The following FASTKD2 variants were observed in gnomAD, a reference collection of about 807,000 sequenced individuals.
The protein encoded by FASTKD2 is FAST kinase domain-containing protein 2, mitochondrial.
Under a neutral mutation model 63.6 loss-of-function variants are expected in FASTKD2, and 51 were observed. The observed-to-expected ratio is 0.80, with a 90% CI of 0.64 to 1.01. The LOEUF (loss-of-function observed/expected upper bound fraction) is 1.01, where lower values mean the gene tolerates loss of function less well. FASTKD2 is among the 50% of genes least tolerant of loss of function. FASTKD2 has a pLI of 0.00. For missense variants in FASTKD2, 786 were observed against 831.1 expected (o/e 0.95, Z 0.67); for synonymous variants, 284 against 293.4 (o/e 0.97, Z 0.33).
Position 206,766,658 on chromosome 2 carries a change from G to C in FASTKD2, c.-36G>C, listed in dbSNP as rs781534706. The C allele has an allele frequency of 1.0e-5, 16 of 1,579,532 alleles. No homozygotes were observed. Among genetic ancestry groups the C allele is most frequent in the Non-Finnish European group, 1.4e-5 (16 of 1,148,664 alleles). ...TTCCCCTACAGGAAAACGACAGCAC[G>C]TGTTCTTTTTCACTAGTAGAAGTGA... On this transcript the variant is annotated 5_prime_UTR_variant, in exon 2 of 12. Coordinates refer to ENST00000402774, the MANE Select transcript of FASTKD2 (RefSeq NM_001136193.2).
chr2:206,774,435 A>G, intron 7 of FASTKD2, 38 bp downstream of exon 7: 4 of 1,314,596 alleles, frequency 3.0e-6, no homozygotes, highest in Non-Finnish European at 3.3e-6. Flanking sequence ...TTATTGCCAT[A>G]TAACTTACAA....
chr2:206,772,981 T>C (rs1463643965), intron 6 of FASTKD2, among the ~76,000 whole-genome samples: 2 of 152,330 alleles, frequency 1.3e-5, no homozygotes, highest in South Asian at 4.1e-4. Flanking sequence ...TGGTCATCTT[T>C]CTATTTGAAA....
chr2:206,790,644 GA>G lies in FASTKD2; in HGVS notation c.1975del (p.Met659CysfsTer4). On this transcript the variant is annotated frameshift_variant, in exon 11 of 12. Transcript: ENST00000402774. LOFTEE classifies it high-confidence loss of function. The stretch of plus-strand genomic sequence containing the variant: ...GCCACCCCAGAGGATTCCTTGCTAT[GA>G]AAATGCGGCATTTGAATGCAATGGG... ...SSHPRGFLAM[K>X]MRHLNAMGFH... 1 of 1,613,180 alleles carries G rather than the reference GA, an allele frequency of 6.2e-7. No individual in the cohort carries two copies. Among genetic ancestry groups the G allele is most frequent in the Non-Finnish European group, 8.5e-7 (1 of 1,179,194 alleles).
chr2:206,785,204 A>G (rs754995796), intron 7 of FASTKD2, among the ~76,000 whole-genome samples: 2 of 152,224 alleles, frequency 1.3e-5, no homozygotes, highest in African/African-American at 2.4e-5. Flanking sequence ...TGATTCAGCT[A>G]TCTACCACTG....
intron 6 of FASTKD2, among the ~76,000 whole-genome samples, chr2:206,773,024 G>A (rs1689726287): frequency 6.6e-6 from 1 of 152,026 alleles, no homozygotes; most frequent in South Asian, 2.1e-4. Flanking sequence ...GTTTTAAAAG[G>A]GTTGTATGGG....
chr2:206,789,250 C>G (rs900410346), intron 10 of FASTKD2: 2 of 185,512 alleles, frequency 1.1e-5, no homozygotes, highest in Non-Finnish European at 2.2e-5. Context: ...AATAAAGACT[C>G]GAGGCTTCTA....
Position 206,794,343 on chromosome 2 carries a change from T to C in FASTKD2, c.*2541T>C, listed in dbSNP as rs376684696. ...ATGAAAAGGTTGATCTTGCTCTAGA[T>C]ACAAGATATAAAATTGTATTCTTGA... On this transcript the variant is annotated 3_prime_UTR_variant, in exon 12 of 12. Transcript: ENST00000402774. Among the ~76,000 whole-genome samples the C allele has an allele frequency of 6.6e-6, 1 of 152,236 alleles. No homozygotes were observed. The highest frequency in any genetic ancestry group is 2.4e-5 in the African/African-American group (1 of 41,458).
chr2:206,766,338 G>A lies in FASTKD2; in HGVS notation c.-50-306G>A, dbSNP rs563886027. ...CAATGCTAATCCCCTAATTTTCACC[G>A]AGGACATTTCCATAACAATGCCAAC... On this transcript the variant is annotated intron_variant, in intron 1 of 11. Coordinates refer to ENST00000402774, the MANE Select transcript of FASTKD2 (RefSeq NM_001136193.2). Among the ~76,000 whole-genome samples the A allele has an allele frequency of 3.4e-5, 5 of 147,554 alleles. No homozygotes were observed. The South Asian group carries it at 8.6e-4, about 25-fold the overall frequency.
intron 7 of FASTKD2, among the ~76,000 whole-genome samples, chr2:206,783,545 T>C (rs958264550): frequency 6.6e-6 from 1 of 152,038 alleles, no homozygotes; most frequent in Non-Finnish European, 1.5e-5. Flanking sequence ...ACAAATAATA[T>C]CAAGCTAAGT....
chr2:206,788,931 G>A (rs1209718765), intron 10 of FASTKD2, 28 bp downstream of exon 10: 1 of 1,141,504 alleles, frequency 8.8e-7, no homozygotes, highest in South Asian at 1.2e-5. Context: ...CATTTGCTGG[G>A]CTTTCTGAAT....
chr2:206,780,034 C>G (rs1689929276), intron 7 of FASTKD2, among the ~76,000 whole-genome samples: 1 of 152,202 alleles, frequency 6.6e-6, no homozygotes, highest in Non-Finnish European at 1.5e-5. Flanking sequence ...TCTCCCCATA[C>G]TTTGTTATTG....
rs982184080 is a variant in FASTKD2 at position 206,795,529 on chromosome 2, G to A, written c.*3727G>A. ...ATTATAGGCGTGAGCCACCACCCCC[G>A]GTCCAAGATGGCTATCTCTTAACAC... On this transcript the variant is annotated 3_prime_UTR_variant, in exon 12 of 12. Transcript: ENST00000402774. Among the ~76,000 whole-genome samples, 7 of 152,160 alleles carry A rather than the reference G, an allele frequency of 4.6e-5. No individual in the cohort carries two copies. Among genetic ancestry groups the A allele is most frequent in the South Asian group, 4.1e-4 (2 of 4,828 alleles).
At chr2:206,785,074 A>G (rs1384506646) in intron 7 of FASTKD2, among the ~76,000 whole-genome samples, 4 of 152,206 alleles carry the variant, frequency 2.6e-5, no homozygotes, top group Admixed American at 2.6e-4. Context: ...TGAAAGGCAC[A>G]TCTCACAGGG....
rs769183701 is a variant in FASTKD2 at position 206,766,684 on chromosome 2, C to G, written c.-10C>G. The G allele has an allele frequency of 3.1e-6, 5 of 1,612,246 alleles. No homozygotes were observed. The highest frequency in any genetic ancestry group is 1.1e-5 in the South Asian group (1 of 91,050). On this transcript the variant is annotated 5_prime_UTR_variant, in exon 2 of 12. Transcript: ENST00000402774. ...TGTTCTTTTTCACTAGTAGAAGTGA[C>G]GTTGGTTTCATGTTGACAACTTTGA...
intron 10 of FASTKD2, chr2:206,789,185 A>G (rs1305905205): frequency 2.7e-6 from 1 of 373,852 alleles, no homozygotes; most frequent in African/African-American, 2.1e-5. Context: ...AATATAATTG[A>G]AACTATCAAT....
At chr2:206,768,642 G>A (rs978677343) in intron 2 of FASTKD2, among the ~76,000 whole-genome samples, 3 of 152,202 alleles carry the variant, frequency 2.0e-5, no homozygotes, top group Non-Finnish European at 2.9e-5. Context: ...CGAAGCTGCC[G>A]TGAGCCATGA....
At position 206,793,220 on chromosome 2, in the gene FASTKD2, C is replaced by CAAAAAAAAAAA. The variant is rs58656956; in HGVS notation, c.*1439_*1449dup. Reference sequence around the variant, plus strand: ...CTGACCACAGAGCGAGACTCTGTCTCAAAAAAAAAAAAAAAAAAAAAAAAA... The same window carrying CAAAAAAAAAAA: ...CTGACCACAGAGCGAGACTCTGTCTCAAAAAAAAAAAAAAAAAAAAAAAAAAAAAAAAAAAA... On this transcript the variant is annotated 3_prime_UTR_variant, in exon 12 of 12. Transcript: ENST00000402774. Among the ~76,000 whole-genome samples the CAAAAAAAAAAA allele has an allele frequency of 4.9e-4, 32 of 65,816 alleles. 1 individual carries two copies. Among genetic ancestry groups the CAAAAAAAAAAA allele is most frequent in the African/African-American group, 1.2e-3 (20 of 16,240 alleles). The allele number at this position is 65,816 out of a possible 152,430, so 43.2% of individuals were successfully genotyped here. A position where few individuals can be genotyped will look rare whatever the true frequency, so the allele number is the denominator to read the frequency against.
Position 206,766,787 on chromosome 2 carries a change from A to G in FASTKD2, c.94A>G (p.Ser32Gly). Residue 32 changes from serine (S) to glycine (G), a missense_variant, in exon 2 of 12, where the codon AGT becomes GGT. Coordinates refer to ENST00000402774, the MANE Select transcript of FASTKD2 (RefSeq NM_001136193.2). ...GSFFWNLRQF[S>G]TLVSTSRTMR... Reference sequence around the variant, plus strand: ...CTTTTTCTGGAACCTTAGACAATTCAGTACATTAGTTTCAACAAGCAGAAC... The same window carrying G: ...CTTTTTCTGGAACCTTAGACAATTCGGTACATTAGTTTCAACAAGCAGAAC... 3 of 1,613,472 alleles carry G rather than the reference A, an allele frequency of 1.9e-6. No individual in the cohort carries two copies. Among genetic ancestry groups the G allele is most frequent in the Non-Finnish European group, 2.5e-6 (3 of 1,179,596 alleles).
At chr2:206,783,787 T>C (rs1181493743) in intron 7 of FASTKD2, among the ~76,000 whole-genome samples, 1 of 152,180 alleles carries the variant, frequency 6.6e-6, no homozygotes, top group Non-Finnish European at 1.5e-5. Context: ...TCTTTTTGTC[T>C]GTCTATTCTG....
Sources: gnomAD v4.1 joint callset for allele counts (sites outside exome capture counted in the v4.1 genomes callset) on GRCh38, gnomAD v4.1.1 for gene constraint, MANE v1.5 for transcripts, NCBI Gene and HGNC (gene_info 2026-07-23, HGNC 2026-07-21) for gene names.